Variants in FMN2 observed in about 807,000 individuals in gnomAD.
The protein encoded by FMN2 is formin 2.
Under a neutral mutation model 142.3 loss-of-function variants are expected in FMN2, and 51 were observed. The observed-to-expected ratio is 0.36, with a 90% CI of 0.29 to 0.45. The LOEUF (loss-of-function observed/expected upper bound fraction) is 0.45. Ranked by LOEUF, FMN2 falls within the 20% of genes least tolerant of loss-of-function variation. The pLI is 1.00. For synonymous variants in FMN2, 882 were observed against 869.8 expected (o/e 1.01, Z -0.25); for missense variants, 1,936 against 2,122.8 (o/e 0.91, Z 1.73).
intron 4 of FMN2, 33 bp from the exon 5 acceptor site, chr1:240,206,766 T>C (rs749612362): frequency 2.5e-6 from 4 of 1,571,462 alleles, no homozygotes; most frequent in Non-Finnish European, 3.5e-6. Flanking sequence ...CCTTATTTCA[T>C]AACTAACTGT....
chr1:240,207,561 G>A lies in FMN2; in HGVS notation c.2749G>A (p.Gly917Arg), dbSNP rs760171146. Residue 917 changes from glycine (G) to arginine (R), a missense_variant, in exon 5 of 18, where the codon GGA becomes AGA. By Grantham distance (125) the Gly-to-Arg change is moderately radical (BLOSUM62 -2). Coordinates refer to ENST00000319653, the MANE Select transcript of FMN2 (RefSeq NM_020066.5). ...GCCACCCCCTCCCCCTCCTCTTCCCGGAGCGGGCATACCTCCTCCGCCGCC... is the reference window on the plus strand; with the variant it reads ...GCCACCCCCTCCCCCTCCTCTTCCCAGAGCGGGCATACCTCCTCCGCCGCC... Reference protein sequence around the residue: ...MLPPPPPPLPGAGIPPPPPLP... With the variant: ...MLPPPPPPLPRAGIPPPPPLP... 13 of 1,596,834 alleles carry A rather than the reference G, an allele frequency of 8.1e-6. No individual in the cohort carries two copies. Among genetic ancestry groups the A allele is most frequent in the Non-Finnish European group, 1.1e-5 (13 of 1,176,204 alleles).
chr1:240,460,182 A>G lies in FMN2; in HGVS notation c.5061-12190A>G, dbSNP rs78580785. ...TTTGCTTGAAAAGAGTTCAAAATTT[A>G]TCCAATTATTCAATAGAACTTCTCC... On this transcript the variant is annotated intron_variant, in intron 16 of 17. Coordinates refer to ENST00000319653, the MANE Select transcript of FMN2 (RefSeq NM_020066.5). Among the ~76,000 whole-genome samples the G allele has an allele frequency of 3.4e-3, 523 of 152,332 alleles. 6 individuals are homozygous for G. The highest frequency in any genetic ancestry group is 0.012 in the African/African-American group (496 of 41,562).
At position 240,093,254 on chromosome 1, in the gene FMN2, C is replaced by G; in HGVS notation, c.1145C>G (p.Pro382Arg). The change falls in exon 1 of 18, where the codon CCG becomes CGG. Residue 382 changes from proline (P) to arginine (R), a missense_variant. This residue lies in a region of FMN2 where 751 missense variants were observed against 791.8 expected (regional missense o/e 0.95). Coordinates refer to ENST00000319653, the MANE Select transcript of FMN2 (RefSeq NM_020066.5). ...EDAPQRLGEE[P>R]EEEAQGPDAP... The stretch of plus-strand genomic sequence containing the variant: ...GCCCCGCAGAGGCTGGGGGAAGAGC[C>G]GGAGGAGGAGGCGCAAGGACCTGAC... 6.3e-7 allele frequency: 1 copy of G among 1,583,728 alleles called. No individual in the cohort carries two copies. The highest frequency in any genetic ancestry group is 1.2e-5 in the South Asian group (1 of 86,452).
intron 4 of FMN2, among the ~76,000 whole-genome samples, chr1:240,205,912 T>C (rs1164291807): frequency 7.5e-6 from 1 of 133,936 alleles, no homozygotes; most frequent in Admixed American, 7.6e-5. Context: ...TTTTTTTTTT[T>C]TGAGACAGTG....
chr1:240,211,432 A>AGTGATAAT (rs1666689889), intron 6 of FMN2, among the ~76,000 whole-genome samples, 197 bp downstream of exon 6: 1 of 152,250 alleles, frequency 6.6e-6, no homozygotes, highest in South Asian at 2.1e-4. Context: ...ATCTCCATCC[A>AGTGATAAT]GTGATAATGT....
chr1:240,283,426 C>G (rs1365861401), intron 7 of FMN2, among the ~76,000 whole-genome samples: 2 of 152,174 alleles, frequency 1.3e-5, no homozygotes, highest in Non-Finnish European at 2.9e-5. Flanking sequence ...TTCACTTTCT[C>G]AGGCATTTCG....
intron 2 of FMN2, chr1:240,143,840 T>A: frequency 2.5e-6 from 4 of 1,575,732 alleles, no homozygotes; most frequent in Non-Finnish European, 3.5e-6. Context: ...ACCTGCCACC[T>A]CCATGCTGGA....
intron 1 of FMN2, among the ~76,000 whole-genome samples, chr1:240,107,893 C>T (rs1290157825): frequency 7.9e-5 from 12 of 152,106 alleles, no homozygotes; most frequent in Admixed American, 4.6e-4. Context: ...ATGTGGAACA[C>T]ATCTTTTAAT....
At chr1:240,359,386 G>A (rs757530632) in intron 14 of FMN2, among the ~76,000 whole-genome samples, 5 of 151,906 alleles carry the variant, frequency 3.3e-5, no homozygotes, top group Admixed American at 6.6e-5. Flanking sequence ...TTTTTAATGT[G>A]CCTCATCCTC....
At chr1:240,442,156 T>C (rs1675643048) in intron 16 of FMN2, among the ~76,000 whole-genome samples, 2 of 152,192 alleles carry the variant, frequency 1.3e-5, no homozygotes, top group Admixed American at 6.5e-5. Context: ...TCCTCTTCTT[T>C]CTCTCACCCT....
intron 15 of FMN2, among the ~76,000 whole-genome samples, chr1:240,406,429 C>T (rs768055938): frequency 6.6e-6 from 1 of 151,944 alleles, no homozygotes. Flanking sequence ...CCCATGGCGG[C>T]GTCTAGTGCC....
intron 6 of FMN2, among the ~76,000 whole-genome samples, chr1:240,252,092 A>T (rs1668295720): frequency 6.6e-6 from 1 of 152,018 alleles, no homozygotes; most frequent in Admixed American, 6.6e-5. Context: ...TATTTTTAGT[A>T]GAGACGAGAT....
At chr1:240,286,913 T>C (rs918091541) in intron 7 of FMN2, among the ~76,000 whole-genome samples, 3 of 152,176 alleles carry the variant, frequency 2.0e-5, no homozygotes, top group Admixed American at 2.0e-4. Flanking sequence ...GTGCTTTTAT[T>C]GTGGTGTAAT....
At chr1:240,459,535 T>C (rs1676364738) in intron 16 of FMN2, 1 of 151,872 alleles carries the variant, frequency 6.6e-6, no homozygotes, top group East Asian at 1.9e-4. Context: ...CTGGCTGATA[T>C]GGTGAAACCC....
At chr1:240,227,255 T>C (rs893372516) in intron 6 of FMN2, among the ~76,000 whole-genome samples, 8 of 151,986 alleles carry the variant, frequency 5.3e-5, no homozygotes, top group Middle Eastern at 3.4e-3. Flanking sequence ...AAAAAGAATT[T>C]TACACTGAAT....
chr1:240,378,569 G>A (rs555182910), intron 14 of FMN2, among the ~76,000 whole-genome samples: 8 of 152,098 alleles, frequency 5.3e-5, no homozygotes, highest in South Asian at 4.2e-4. Flanking sequence ...TCCATCTCTC[G>A]GTTTGTTCTG....
At chr1:240,290,793 G>GT (rs761547443) in intron 7 of FMN2, among the ~76,000 whole-genome samples, 1,404 of 84,666 alleles carry the variant, frequency 0.017, 20 homozygotes, top group Non-Finnish European at 0.023. Context: ...TTTTTTTTTT[G>GT]TTTTTTTTTT....
intron 7 of FMN2, among the ~76,000 whole-genome samples, chr1:240,286,521 G>C (rs1022892870): frequency 6.6e-6 from 1 of 152,158 alleles, no homozygotes; most frequent in African/African-American, 2.4e-5. Flanking sequence ...CTCAGTGAAA[G>C]TTATGGTTTT....
intron 14 of FMN2, among the ~76,000 whole-genome samples, chr1:240,368,843 C>A (rs1271611923): frequency 6.6e-6 from 1 of 151,698 alleles, no homozygotes; most frequent in South Asian, 2.1e-4. Context: ...TTTAATTTTC[C>A]CCTCTACTAC....
Sources: gnomAD v4.1 joint callset for allele counts (sites outside exome capture counted in the v4.1 genomes callset) on GRCh38, gnomAD v4.1.1 for gene constraint, gnomAD v4.1.1 regional missense constraint, MANE v1.5 for transcripts, NCBI Gene and HGNC (gene_info 2026-07-23, HGNC 2026-07-21) for gene names.